Variants in FAM83F observed in about 807,000 individuals in gnomAD.
FAM83F encodes scaffolding CK1 anchoring protein F, also known as protein FAM83F.
A neutral mutation model predicts 42.9 loss-of-function variants in FAM83F; 45 were observed. The observed-to-expected ratio is 1.05, with a 90% CI of 0.83 to 1.35. FAM83F has a LOEUF of 1.35. Ranked by LOEUF, FAM83F falls within the 40% of genes most tolerant of loss-of-function variation. The pLI is 0.00. For synonymous variants in FAM83F, 306 were observed against 298.3 expected, an observed-to-expected ratio of 1.03 and a Z score of -0.27; for missense variants, 617 against 695.9, an observed-to-expected ratio of 0.89 and a Z score of 1.28.
chr22:40,006,873 G>A (rs951379917), intron 1 of FAM83F, among the ~76,000 whole-genome samples: 1 of 152,150 alleles, frequency 6.6e-6, no homozygotes, highest in Non-Finnish European at 1.5e-5. Flanking sequence ...ATTGCTGCAC[G>A]GTGACCCTGA....
At chr22:40,005,515 C>T (rs1358440461) in intron 1 of FAM83F, among the ~76,000 whole-genome samples, 4 of 152,258 alleles carry the variant, frequency 2.6e-5, no homozygotes, top group East Asian at 1.9e-4. Flanking sequence ...GGTCACAACA[C>T]GTGGCTGTTC....
At position 40,032,656 on chromosome 22, in the gene FAM83F, C is replaced by T. The variant is rs903394369; in HGVS notation, c.*3091C>T. ...CGATCTTGGCTCACTGCAAGCTCCG[C>T]CTCCCGGGTTCACGCCATTCTTCTG... On this transcript the variant is annotated 3_prime_UTR_variant, in exon 5 of 5. Coordinates refer to ENST00000333407, the MANE Select transcript of FAM83F (RefSeq NM_138435.4). 4.6e-5 allele frequency: 7 copies of T among 151,876 alleles called. 1 individual carries two copies. Among genetic ancestry groups the T allele is most frequent in the Non-Finnish European group, 1.0e-4 (7 of 67,984 alleles). 9.4% of individuals were successfully genotyped at this position (151,876 alleles called of 1,614,324 possible).
At chr22:40,025,747 C>T (rs2067548197) in intron 4 of FAM83F, among the ~76,000 whole-genome samples, 1 of 152,104 alleles carries the variant, frequency 6.6e-6, no homozygotes, top group Admixed American at 6.5e-5. Context: ...TAAAATCCAA[C>T]AAATAGAGTC....
chr22:40,005,703 C>A (rs2067423689), intron 1 of FAM83F, among the ~76,000 whole-genome samples: 1 of 152,214 alleles, frequency 6.6e-6, no homozygotes, highest in Non-Finnish European at 1.5e-5. Context: ...GGAGACCTGA[C>A]CTGCAGGGTC....
intron 1 of FAM83F, among the ~76,000 whole-genome samples, chr22:40,008,449 G>C (rs1003639355): frequency 3.9e-5 from 6 of 152,322 alleles, no homozygotes; most frequent in African/African-American, 1.4e-4. Context: ...TTAAAGCTCA[G>C]AACAGCCCTG....
intron 1 of FAM83F, 42 bp from the exon 2 acceptor site, chr22:40,019,126 G>A (rs756501152): frequency 5.7e-5 from 91 of 1,607,002 alleles, no homozygotes; most frequent in Middle Eastern, 2.0e-4. Context: ...CTCTGTGGGC[G>A]TGTAGACACC....
rs929814490 is a variant in FAM83F, at chr22:39,995,005, G to C, written c.-38G>C. ...CGGCTGTGGGACCTCGGACCGCGGC[G>C]GGGCCGGGGCCAGGGCCGGGGCCGG... On this transcript the variant is annotated 5_prime_UTR_variant, in exon 1 of 5. Transcript: ENST00000333407. This position sits in a 1 kb window ranked among gnomAD's most constrained non-coding sequence, Gnocchi z 4.6. 8.1e-7 allele frequency: 1 copy of C among 1,232,786 alleles called. No individual in the cohort carries two copies. Among genetic ancestry groups the C allele is most frequent in the African/African-American group, 1.6e-5 (1 of 62,486 alleles). The allele number at this position is 1,232,786 out of a possible 1,614,324, so 76.4% of individuals were successfully genotyped here.
At chr22:40,025,359 C>T (rs2067545870) in intron 4 of FAM83F, among the ~76,000 whole-genome samples, 1 of 152,138 alleles carries the variant, frequency 6.6e-6, no homozygotes, top group Non-Finnish European at 1.5e-5. Context: ...GTCGAGGCTG[C>T]AGTCAGCTGT....
intron 1 of FAM83F, among the ~76,000 whole-genome samples, chr22:39,996,062 T>A (rs572751034): frequency 6.6e-6 from 1 of 152,294 alleles, no homozygotes; most frequent in Non-Finnish European, 1.5e-5. Flanking sequence ...CAGCCTCTCC[T>A]GGGCCGGGTA....
In FAM83F at chr22:40,034,539, G is replaced by A. The variant is rs1328208167; in HGVS notation, c.*4974G>A. On this transcript the variant is annotated 3_prime_UTR_variant, in exon 5 of 5. Coordinates refer to ENST00000333407, the MANE Select transcript of FAM83F (RefSeq NM_138435.4). ...GGAAAGCCCTGCTTCTAGATGCCAT[G>A]TGCTGCTGCCTGGCACGATAGGTAC... 1 of 152,282 alleles carries A rather than the reference G, an allele frequency of 6.6e-6. No homozygotes were observed. The highest frequency in any genetic ancestry group is 1.5e-5 in the Non-Finnish European group (1 of 68,074). 9.4% of individuals were successfully genotyped at this position (152,282 alleles called of 1,614,324 possible). A position where few individuals can be genotyped will look rare whatever the true frequency, so the allele number is the denominator to read the frequency against.
chr22:40,015,549 CCCTT>C (rs1475529292), intron 1 of FAM83F, among the ~76,000 whole-genome samples: 1 of 152,134 alleles, frequency 6.6e-6, no homozygotes, highest in Non-Finnish European at 1.5e-5. Context: ...AAAAAGGTGA[CCCTT>C]CCCTGGGCAG....
chr22:40,042,816 T>C lies in FAM83F; in HGVS notation c.*13251T>C, dbSNP rs2067657874. On this transcript the variant is annotated 3_prime_UTR_variant, in exon 5 of 5. Coordinates refer to ENST00000333407, the MANE Select transcript of FAM83F (RefSeq NM_138435.4). ...ATGTATCAAACAATTACCCAGAAAGTCAAGCACCAACTTAAGTGCTAAAAT... is the reference window on the plus strand; with the variant it reads ...ATGTATCAAACAATTACCCAGAAAGCCAAGCACCAACTTAAGTGCTAAAAT... The C allele has an allele frequency of 6.6e-6, 1 of 152,176 alleles. No homozygotes were observed. Among genetic ancestry groups the C allele is most frequent in the Admixed American group, 6.5e-5 (1 of 15,288 alleles). 9.4% of individuals were successfully genotyped at this position (152,176 alleles called of 1,614,324 possible).
In FAM83F at chr22:40,021,285, C is replaced by T. The variant is rs2067518549; in HGVS notation, c.780-5C>T. 3 of 1,531,698 alleles carry T rather than the reference C, an allele frequency of 2.0e-6. No homozygotes were observed. The highest frequency in any genetic ancestry group is 1.2e-5 in the South Asian group (1 of 80,088). The allele number at this position is 1,531,698 out of a possible 1,614,324, so 94.9% of individuals were successfully genotyped here. ...TGTCTTGCTTTTCTGTCCCCACGTT[C>T]CCAGGTTCACCTGGAGTTCCTCCCA... On this transcript the variant is annotated splice_polypyrimidine_tract_variant and splice_region_variant and intron_variant, in intron 3 of 4. Transcript: ENST00000333407. This position sits in a 1 kb window ranked among gnomAD's most constrained non-coding sequence, Gnocchi z 8.7.
In FAM83F at chr22:40,017,225, C is replaced by CTTT. The variant is rs59308005; in HGVS notation, c.490-1925_490-1923dup. On this transcript the variant is annotated intron_variant, in intron 1 of 4. Coordinates refer to ENST00000333407, the MANE Select transcript of FAM83F (RefSeq NM_138435.4). ...TGGCAGGTGCTGCTCTCAGCACTTTCTTTTTTTTTTTTTTTTTTTTGAGAC... is the reference window on the plus strand; with the variant it reads ...TGGCAGGTGCTGCTCTCAGCACTTTCTTTTTTTTTTTTTTTTTTTTTTTGAGAC... Among the ~76,000 whole-genome samples the CTTT allele has an allele frequency of 4.7e-4, 54 of 115,572 alleles. 1 individual carries two copies. The highest frequency in any genetic ancestry group is 7.6e-4 in the African/African-American group (22 of 28,980). 75.8% of individuals were successfully genotyped at this position (115,572 alleles called of 152,430 possible).
rs758036575 is a variant in FAM83F at position 39,995,017 on chromosome 22, AGGGCCG to A, written c.-9_-4del. The A allele has an allele frequency of 9.2e-4, 1,149 of 1,249,158 alleles. No individual in the cohort carries two copies. Among genetic ancestry groups the A allele is most frequent in the East Asian group, 2.4e-3 (74 of 31,180 alleles). The allele number at this position is 1,249,158 out of a possible 1,614,324, so 77.4% of individuals were successfully genotyped here. A position where few individuals can be genotyped will look rare whatever the true frequency, so the allele number is the denominator to read the frequency against. On this transcript the variant is annotated 5_prime_UTR_variant, in exon 1 of 5. Coordinates refer to ENST00000333407, the MANE Select transcript of FAM83F (RefSeq NM_138435.4). This position sits in a 1 kb window ranked among gnomAD's most constrained non-coding sequence, Gnocchi z 4.6. ...CTCGGACCGCGGCGGGGCCGGGGCC[AGGGCCG>A]GGGCCGGGGCCGGGGCGCCATGGCC...
rs747373194 is a variant in FAM83F, at chr22:40,021,464, G to A, written c.954G>A (p.Val318=). ...TTGGCCTCCATTACTCCTCCACTGT[G>A]GCTCGAAAGCTTATCAACCCCAAGT... ...GRVGLHYSST[V]ARKLINPKYA... Residue 318 remains valine, a synonymous_variant, in exon 4 of 5, where the codon GTG becomes GTA. Coordinates refer to ENST00000333407, the MANE Select transcript of FAM83F (RefSeq NM_138435.4). This position sits in a 1 kb window ranked among gnomAD's most constrained non-coding sequence, Gnocchi z 8.7. 1.9e-6 allele frequency: 3 copies of A among 1,607,440 alleles called. No homozygotes were observed. In the South Asian group the frequency reaches 3.3e-5, roughly 18 times the overall value.
rs1256393981 is a variant in FAM83F, at chr22:40,042,404, T to A, written c.*12839T>A. The A allele has an allele frequency of 6.6e-6, 1 of 152,182 alleles. No homozygotes were observed. Among genetic ancestry groups the A allele is most frequent in the Non-Finnish European group, 1.5e-5 (1 of 68,044 alleles). 9.4% of individuals were successfully genotyped at this position (152,182 alleles called of 1,614,324 possible). ...GCCACCAGAGAGCAAATGTCGTAGG[T>A]CACCACACATCACCAGTCTCTTGCC... On this transcript the variant is annotated 3_prime_UTR_variant, in exon 5 of 5. Transcript: ENST00000333407.
At chr22:40,002,116 G>A (rs957958467) in intron 1 of FAM83F, among the ~76,000 whole-genome samples, 2 of 152,198 alleles carry the variant, frequency 1.3e-5, no homozygotes, top group Non-Finnish European at 2.9e-5. Context: ...GGCAGAGAGG[G>A]ATAAAGCAGG....
At chr22:40,026,553 C>T (rs769147672) in intron 4 of FAM83F, among the ~76,000 whole-genome samples, 7 of 152,040 alleles carry the variant, frequency 4.6e-5, no homozygotes, top group Non-Finnish European at 7.4e-5. Flanking sequence ...AAAAACTGTT[C>T]GGAAGAACCA....
Sources: gnomAD v4.1 joint callset for allele counts (sites outside exome capture counted in the v4.1 genomes callset) on GRCh38, gnomAD v4.1.1 for gene constraint, Gnocchi (gnomAD v3.1) non-coding constraint, MANE v1.5 for transcripts, NCBI Gene and HGNC (gene_info 2026-07-23, HGNC 2026-07-21) for gene names.